Variants in MSANTD4 observed in about 807,000 individuals in gnomAD.
The protein encoded by MSANTD4 is Myb/SANT DNA binding domain containing 4 with coiled-coils.
A neutral mutation model predicts 34.3 loss-of-function variants in MSANTD4; 13 were observed. The ratio of observed to expected loss-of-function variants is 0.38; its 90% CI spans 0.25 to 0.60. MSANTD4 has a LOEUF of 0.60. Ranked by LOEUF, MSANTD4 falls within the 20% of genes least tolerant of loss-of-function variation. MSANTD4 has a pLI of 0.63. For synonymous variants in MSANTD4, 137 were observed against 145.2 expected (o/e 0.94, Z 0.41); for missense variants, 358 against 401.8 (o/e 0.89, Z 0.93).
rs1180386513 is a variant in MSANTD4, at chr11:106,009,831, C to T, written c.742G>A (p.Glu248Lys). The T allele has an allele frequency of 6.2e-7, 1 of 1,614,056 alleles. No homozygotes were observed. The highest frequency in any genetic ancestry group is 8.5e-7 in the Non-Finnish European group (1 of 1,180,052). The change falls in exon 3 of 3, where the codon GAG becomes AAG. Residue 248 changes from glutamate to lysine, a missense_variant. Physicochemically the swap from Glu to Lys is moderately conservative, Grantham distance 56 (BLOSUM62 1). This residue lies in a region of MSANTD4 where 312 missense variants were observed against 317.6 expected (regional missense o/e 0.98). Coordinates refer to ENST00000301919, the MANE Select transcript of MSANTD4 (RefSeq NM_032424.3). ...CGCTCCTTCTCTAGCTGAAGCCGCT[C>T]ATGTTCCATGTCTAAATGCCGCAGC... Reference protein sequence around the residue: ...ERLRHLDMEHERLQLEKERLQ... With the variant: ...ERLRHLDMEHKRLQLEKERLQ...
Position 106,009,752 on chromosome 11 carries a change from G to C in MSANTD4, c.821C>G (p.Pro274Arg). The C allele has an allele frequency of 6.2e-7, 1 of 1,614,128 alleles. No homozygotes were observed. The highest frequency in any genetic ancestry group is 8.5e-7 in the Non-Finnish European group (1 of 1,180,028). ...LRLQIVNSEK[P>R]SLENELGQGE... Reference sequence around the variant, plus strand: ...TTGACCAAGTTCATTTTCCAAGGACGGTTTCTCTGAATTGACTATCTGTAA... The same window carrying C: ...TTGACCAAGTTCATTTTCCAAGGACCGTTTCTCTGAATTGACTATCTGTAA... Residue 274 changes from proline to arginine, a missense_variant, in exon 3 of 3, where the codon CCG (proline) becomes CGG (arginine). Coordinates refer to ENST00000301919, the MANE Select transcript of MSANTD4 (RefSeq NM_032424.3).
chr11:106,019,190 TG>T (rs1460140997), intron 1 of MSANTD4, among the ~76,000 whole-genome samples: 1 of 152,190 alleles, frequency 6.6e-6, no homozygotes, highest in Non-Finnish European at 1.5e-5. Context: ...TCATCAAACA[TG>T]TACTCACATG....
At chr11:106,017,184 G>A (rs1859875500) in intron 1 of MSANTD4, among the ~76,000 whole-genome samples, 2 of 152,142 alleles carry the variant, frequency 1.3e-5, no homozygotes, top group Admixed American at 1.3e-4. Context: ...TAATCCCCAC[G>A]TAGATGCTAT....
intron 1 of MSANTD4, among the ~76,000 whole-genome samples, chr11:106,013,107 T>C (rs1370804560): frequency 6.6e-6 from 1 of 152,136 alleles, no homozygotes; most frequent in East Asian, 1.9e-4. Flanking sequence ...AACTGAGGGA[T>C]AGATGTCAAA....
intron 1 of MSANTD4, 68 bp from the exon 2 acceptor site, chr11:106,011,135 C>A: frequency 3.0e-6 from 2 of 670,404 alleles, no homozygotes; most frequent in Non-Finnish European, 4.5e-6. Flanking sequence ...ACCTAATGAA[C>A]TATATAATTT....
At chr11:106,011,188 T>C (rs1859679570) in intron 1 of MSANTD4, 121 bp from the exon 2 acceptor site, 1 of 412,134 alleles carries the variant, frequency 2.4e-6, no homozygotes, top group East Asian at 4.7e-5. Context: ...AGCTTAAAAT[T>C]GTGTACTTCT....
At chr11:106,018,101 T>A (rs1859910208) in intron 1 of MSANTD4, among the ~76,000 whole-genome samples, 1 of 152,156 alleles carries the variant, frequency 6.6e-6, no homozygotes, top group South Asian at 2.1e-4. Context: ...AATTTAAAAT[T>A]TCCTAGTGAT....
At chr11:106,013,751 A>G in intron 1 of MSANTD4, among the ~76,000 whole-genome samples, 1 of 152,156 alleles carries the variant, frequency 6.6e-6, no homozygotes, top group East Asian at 1.9e-4. Context: ...AATCCCAGCT[A>G]CTCAGGAGGC....
In MSANTD4 at chr11:106,021,756, AC is replaced by A. The variant is rs1267000527; in HGVS notation, c.-946del. The A allele has an allele frequency of 6.6e-6, 1 of 152,012 alleles. No homozygotes were observed. The highest frequency in any genetic ancestry group is 2.4e-5 in the African/African-American group (1 of 41,356). The allele number at this position is 152,012 out of a possible 1,614,324, so 9.4% of individuals were successfully genotyped here. On this transcript the variant is annotated 5_prime_UTR_variant, in exon 1 of 3. Transcript: ENST00000301919. Reference sequence around the variant, plus strand: ...CCTCCCTCCCGCTGCCTCCTTTGGGACCGTCCAAAAAGAGCCCCTGGGAAGA... The same window carrying A: ...CCTCCCTCCCGCTGCCTCCTTTGGGACGTCCAAAAAGAGCCCCTGGGAAGA...
intron 1 of MSANTD4, among the ~76,000 whole-genome samples, chr11:106,012,349 T>C (rs1859721947): frequency 6.6e-6 from 1 of 152,152 alleles, no homozygotes; most frequent in African/African-American, 2.4e-5. Context: ...TGGACTATAT[T>C]TTTGTTTCTA....
At chr11:106,010,213 T>A in intron 2 of MSANTD4, 103 bp from the exon 3 acceptor site, 1 of 1,234,326 alleles carries the variant, frequency 8.1e-7, no homozygotes, top group Non-Finnish European at 1.1e-6. Context: ...GGAAAAATAC[T>A]TAATTTGAAT....
At chr11:106,010,243 G>A (rs1348923974) in intron 2 of MSANTD4, 133 bp from the exon 3 acceptor site, 85 of 1,119,238 alleles carry the variant, frequency 7.6e-5, no homozygotes, top group Non-Finnish European at 9.7e-5. Flanking sequence ...CATTTACACT[G>A]AATTACTTGA....
In MSANTD4 at chr11:106,009,795, C is replaced by G. The variant is rs1315114472; in HGVS notation, c.778G>C (p.Glu260Gln). Residue 260 changes from glutamate to glutamine, a missense_variant, in exon 3 of 3, where the codon GAA becomes CAA. Coordinates refer to ENST00000301919, the MANE Select transcript of MSANTD4 (RefSeq NM_032424.3). ...LQLEKERLQI[E>Q]REKLRLQIVN... Reference sequence around the variant, plus strand: ...ATCTGTAACCTCAACTTTTCTCTTTCAATCTGCAGCCGCTCCTTCTCTAGC... The same window carrying G: ...ATCTGTAACCTCAACTTTTCTCTTTGAATCTGCAGCCGCTCCTTCTCTAGC... 6 of 1,614,186 alleles carry G rather than the reference C, an allele frequency of 3.7e-6. No homozygotes were observed. The South Asian group carries it at 6.6e-5, about 18-fold the overall frequency.
Position 106,021,907 on chromosome 11 carries a change from T to C in MSANTD4, c.-1096A>G, listed in dbSNP as rs1343828237. On this transcript the variant is annotated 5_prime_UTR_variant, in exon 1 of 3. Transcript: ENST00000301919. Reference sequence around the variant, plus strand: ...GGGAGTCGGGGCAACCTGGAAGATCTCCTCTCTCTGGGTATTAAATGAGAG... The same window carrying C: ...GGGAGTCGGGGCAACCTGGAAGATCCCCTCTCTCTGGGTATTAAATGAGAG... 1.3e-5 allele frequency: 2 copies of C among 152,010 alleles called. No homozygotes were observed. Among genetic ancestry groups the C allele is most frequent in the Non-Finnish European group, 2.9e-5 (2 of 68,082 alleles). The allele number at this position is 152,010 out of a possible 1,614,324, so 9.4% of individuals were successfully genotyped here. A position where few individuals can be genotyped will look rare whatever the true frequency, so the allele number is the denominator to read the frequency against.
rs1859623786 is a variant in MSANTD4, at chr11:106,009,623, A to G, written c.950T>C (p.Phe317Ser). Residue 317 changes from phenylalanine to serine, a missense_variant, in exon 3 of 3, where the codon TTT becomes TCT. By Grantham distance (155) the Phe-to-Ser change is radical (BLOSUM62 -2). Around this residue, in one of 2 missense-constraint regions of MSANTD4, gnomAD observed 312 missense variants for 317.6 expected, o/e 0.98. Coordinates refer to ENST00000301919, the MANE Select transcript of MSANTD4 (RefSeq NM_032424.3). ...LEKDRLQFLK[F>S]ESEKLQIEKE... ...TTCAATCTGCAGCTTCTCAGATTCA[A>G]ACTTCAAAAACTGCAGCCTATCCTT... 6.2e-7 allele frequency: 1 copy of G among 1,614,188 alleles called. No homozygotes were observed. Among genetic ancestry groups the G allele is most frequent in the East Asian group, 2.2e-5 (1 of 44,876 alleles).
In MSANTD4 at chr11:106,008,972, C is replaced by G. The variant is rs150763527; in HGVS notation, c.*563G>C. On this transcript the variant is annotated 3_prime_UTR_variant, in exon 3 of 3. Transcript: ENST00000301919. ...AAGTTTTTGGCCATTTAAGTACCTA[C>G]CCACATAAATATCTGAGGTTTTAAT... The G allele has an allele frequency of 6.6e-6, 1 of 152,290 alleles. No individual in the cohort carries two copies. The highest frequency in any genetic ancestry group is 2.4e-5 in the African/African-American group (1 of 41,516). The allele number at this position is 152,290 out of a possible 1,614,324, so 9.4% of individuals were successfully genotyped here.
intron 2 of MSANTD4, 31 bp downstream of exon 2, chr11:106,010,425 A>T (rs370757705): frequency 1.9e-6 from 3 of 1,561,006 alleles, no homozygotes; most frequent in Non-Finnish European, 2.6e-6. Flanking sequence ...AATTGAAAAG[A>T]TTAAAAGAGG....
intron 1 of MSANTD4, among the ~76,000 whole-genome samples, chr11:106,018,094 T>C (rs923552107): frequency 3.3e-5 from 5 of 152,146 alleles, no homozygotes; most frequent in African/African-American, 1.2e-4. Flanking sequence ...CACACGTAAT[T>C]TAAAATTTCC....
rs1039461327 is a variant in MSANTD4, at chr11:106,021,690, C to T, written c.-879G>A. The T allele has an allele frequency of 1.3e-5, 2 of 152,218 alleles. No individual in the cohort carries two copies. Among genetic ancestry groups the T allele is most frequent in the East Asian group, 1.9e-4 (1 of 5,180 alleles). 9.4% of individuals were successfully genotyped at this position (152,218 alleles called of 1,614,324 possible). Reference sequence around the variant, plus strand: ...TCTAAAACTCGTGGTAGGTGCATAACAAGTATACTTATGGGTCGACGGTTA... The same window carrying T: ...TCTAAAACTCGTGGTAGGTGCATAATAAGTATACTTATGGGTCGACGGTTA... On this transcript the variant is annotated 5_prime_UTR_variant, in exon 1 of 3. Coordinates refer to ENST00000301919, the MANE Select transcript of MSANTD4 (RefSeq NM_032424.3).
Sources: gnomAD v4.1 joint callset for allele counts (sites outside exome capture counted in the v4.1 genomes callset) on GRCh38, gnomAD v4.1.1 for gene constraint, gnomAD v4.1.1 regional missense constraint, MANE v1.5 for transcripts, NCBI Gene and HGNC (gene_info 2026-07-23, HGNC 2026-07-21) for gene names.